Variants in ZDHHC18 observed in about 807,000 individuals in gnomAD.
The protein encoded by ZDHHC18 is zDHHC palmitoyltransferase 18, also known as palmitoyltransferase ZDHHC18.
Under a neutral mutation model 37.5 loss-of-function variants are expected in ZDHHC18, and 23 were observed. That is an observed-to-expected ratio of 0.61 (90% CI 0.44 to 0.87). ZDHHC18 has a LOEUF of 0.87. Ranked by LOEUF, ZDHHC18 falls within the 40% of genes least tolerant of loss-of-function variation. The pLI is 0.00. For missense variants in ZDHHC18, 406 were observed against 525.6 expected (o/e 0.77, Z 2.22); for synonymous variants, 185 against 218.7 (o/e 0.85, Z 1.36).
chr1:26,851,327 C>T lies in ZDHHC18; in HGVS notation c.936+96C>T, dbSNP rs2081703101. ...GGGGCAGCCAAGCACAGTCCTGACTCACGGACTGCTGGGATAATGCCTTTT... is the reference window on the plus strand; with the variant it reads ...GGGGCAGCCAAGCACAGTCCTGACTTACGGACTGCTGGGATAATGCCTTTT... On this transcript the variant is annotated intron_variant, in intron 6 of 7. Transcript: ENST00000374142. 15 of 1,183,232 alleles carry T rather than the reference C, an allele frequency of 1.3e-5. No individual in the cohort carries two copies. The South Asian group carries it at 1.6e-4, about 13-fold the overall frequency. The allele number at this position is 1,183,232 out of a possible 1,614,324, so 73.3% of individuals were successfully genotyped here.
intron 1 of ZDHHC18, among the ~76,000 whole-genome samples, chr1:26,830,863 A>G (rs956658633): frequency 2.6e-5 from 4 of 151,718 alleles, no homozygotes; most frequent in African/African-American, 7.3e-5. Flanking sequence ...GCTCACTGCA[A>G]CCTCTGCCTC....
intron 3 of ZDHHC18, among the ~76,000 whole-genome samples, chr1:26,849,214 C>T (rs142450417): frequency 6.1e-4 from 93 of 152,290 alleles, no homozygotes; most frequent in Admixed American, 7.8e-4. Flanking sequence ...GCAACAGAGG[C>T]GTTTAAGCTG....
chr1:26,850,315 C>T lies in ZDHHC18; in HGVS notation c.661C>T (p.His221Tyr), dbSNP rs747883183. Residue 221 changes from histidine (H) to tyrosine (Y), a missense_variant, in exon 4 of 8, where the codon CAC (histidine) becomes TAC (tyrosine). Physicochemically the swap from His to Tyr is moderately conservative, Grantham distance 83. Transcript: ENST00000374142. This position sits in a 1 kb window ranked among gnomAD's most constrained non-coding sequence, Gnocchi z 6.1. ...CCCTTGTCCAGAACGATTTGACCAT[C>T]ACTGCCCCTGGGTGGGCAACTGTGT... ...CDNCVERFDH[H>Y]CPWVGNCVGR... The T allele has an allele frequency of 1.2e-6, 2 of 1,614,250 alleles. No individual in the cohort carries two copies. The highest frequency in any genetic ancestry group is 1.7e-6 in the Non-Finnish European group (2 of 1,180,030).
chr1:26,852,904 T>G (rs370129878), intron 7 of ZDHHC18, 39 bp downstream of exon 7: 2 of 1,591,826 alleles, frequency 1.3e-6, no homozygotes, highest in Non-Finnish European at 1.7e-6. Context: ...AACAGGGCCA[T>G]GCCTGGCCAG....
At chr1:26,832,719 C>T (rs1364041403) in intron 2 of ZDHHC18, 112 bp downstream of exon 2, 9 of 1,342,902 alleles carry the variant, frequency 6.7e-6, no homozygotes, top group South Asian at 4.2e-5. Context: ...GGGATGCAGT[C>T]GTGAGCAAGG....
At chr1:26,848,326 A>G (rs1443333872) in intron 2 of ZDHHC18, among the ~76,000 whole-genome samples, 2 of 152,026 alleles carry the variant, frequency 1.3e-5, no homozygotes. Context: ...AAAAAAAAAA[A>G]AACCCTCACT....
rs565063501 is a variant in ZDHHC18 at position 26,854,107 on chromosome 1, G to T, written c.*264G>T. 13 of 463,746 alleles carry T rather than the reference G, an allele frequency of 2.8e-5. No individual in the cohort carries two copies. The highest frequency in any genetic ancestry group is 5.1e-5 in the Non-Finnish European group (13 of 253,788). 28.7% of individuals were successfully genotyped at this position (463,746 alleles called of 1,614,324 possible). A position where few individuals can be genotyped will look rare whatever the true frequency, so the allele number is the denominator to read the frequency against. On this transcript the variant is annotated 3_prime_UTR_variant, in exon 8 of 8. Transcript: ENST00000374142. The surrounding 1 kb of genome is among the most constrained non-coding windows in gnomAD (Gnocchi z 4.6). ...CAGAGCCTCTGGAGGCTACCCAGGG[G>T]ACCACACCAAGTCCTTGCCTGTGCC...
chr1:26,828,008 C>A (rs950128344), intron 1 of ZDHHC18, among the ~76,000 whole-genome samples: 1 of 152,294 alleles, frequency 6.6e-6, no homozygotes, highest in South Asian at 2.1e-4. Flanking sequence ...GGAAAGACTT[C>A]GGAGTGCTTT....
chr1:26,837,779 C>T (rs138057492), intron 2 of ZDHHC18, among the ~76,000 whole-genome samples: 3 of 151,818 alleles, frequency 2.0e-5, no homozygotes, highest in African/African-American at 7.3e-5. Flanking sequence ...CGTGCCCAGC[C>T]CCTCTTCTAT....
At chr1:26,831,598 C>T (rs2081589029) in intron 1 of ZDHHC18, among the ~76,000 whole-genome samples, 1 of 152,178 alleles carries the variant, frequency 6.6e-6, no homozygotes, top group South Asian at 2.1e-4. Flanking sequence ...CCACCAGTGT[C>T]CAGAACTTCT....
chr1:26,842,337 T>C (rs1460368944), intron 2 of ZDHHC18, among the ~76,000 whole-genome samples: 1 of 152,212 alleles, frequency 6.6e-6, no homozygotes, highest in East Asian at 1.9e-4. Flanking sequence ...ATTTCACATA[T>C]ATTGATTCAT....
In ZDHHC18 at chr1:26,850,176, G is replaced by T; in HGVS notation, c.647-125G>T. On this transcript the variant is annotated intron_variant, in intron 3 of 7. Transcript: ENST00000374142. This position sits in a 1 kb window ranked among gnomAD's most constrained non-coding sequence, Gnocchi z 6.1. ...CCAGAGGCAGGTGTGTCCAAGGCCT[G>T]GGAGCCAGCTGGTGCTGCGAGAGTG... The T allele has an allele frequency of 2.4e-6, 3 of 1,266,876 alleles. No homozygotes were observed. In the South Asian group the frequency reaches 4.3e-5, roughly 18 times the overall value. The allele number at this position is 1,266,876 out of a possible 1,614,324, so 78.5% of individuals were successfully genotyped here. A position where few individuals can be genotyped will look rare whatever the true frequency, so the allele number is the denominator to read the frequency against.
chr1:26,852,962 A>C, intron 7 of ZDHHC18, 97 bp downstream of exon 7: 2 of 1,066,826 alleles, frequency 1.9e-6, no homozygotes, highest in Non-Finnish European at 2.8e-6. Context: ...TACACCCTAG[A>C]TGCCCTCCGT....
chr1:26,836,016 C>T (rs2081609818), intron 2 of ZDHHC18, among the ~76,000 whole-genome samples: 1 of 152,178 alleles, frequency 6.6e-6, no homozygotes, highest in African/African-American at 2.4e-5. Flanking sequence ...CACTCAATCC[C>T]AGGAAAATCA....
chr1:26,849,947 A>T (rs1295357276), intron 3 of ZDHHC18, among the ~76,000 whole-genome samples: 4 of 152,180 alleles, frequency 2.6e-5, no homozygotes, highest in Non-Finnish European at 4.4e-5. Context: ...AGTTATTATA[A>T]ATAAGCATAA....
rs2081740055 is a variant in ZDHHC18 at position 26,857,400 on chromosome 1, G to A, written c.*3557G>A. 1 of 152,274 alleles carries A rather than the reference G, an allele frequency of 6.6e-6. No individual in the cohort carries two copies. The highest frequency in any genetic ancestry group is 6.5e-5 in the Admixed American group (1 of 15,274). 9.4% of individuals were successfully genotyped at this position (152,274 alleles called of 1,614,324 possible). A position where few individuals can be genotyped will look rare whatever the true frequency, so the allele number is the denominator to read the frequency against. On this transcript the variant is annotated 3_prime_UTR_variant, in exon 8 of 8. Coordinates refer to ENST00000374142, the MANE Select transcript of ZDHHC18 (RefSeq NM_032283.3). ...CCCAACCCTCCACCAGAGTAGGTAG[G>A]ATGTAGGGAGGGTGCGTGCCTCCTT... is the stretch of plus-strand genomic sequence containing the variant.
intron 3 of ZDHHC18, among the ~76,000 whole-genome samples, chr1:26,849,404 G>C (rs1004330052): frequency 2.6e-5 from 4 of 152,202 alleles, no homozygotes; most frequent in Non-Finnish European, 5.9e-5. Flanking sequence ...CACAGTGACT[G>C]TGCATAGTTC....
At chr1:26,835,664 G>A (rs1207451306) in intron 2 of ZDHHC18, among the ~76,000 whole-genome samples, 3 of 152,218 alleles carry the variant, frequency 2.0e-5, no homozygotes, top group Non-Finnish European at 4.4e-5. Context: ...TTGCGCCATT[G>A]CACTCCAGCC....
chr1:26,827,397 C>A (rs1018504150), intron 1 of ZDHHC18, among the ~76,000 whole-genome samples: 1 of 148,044 alleles, frequency 6.8e-6, no homozygotes, highest in Non-Finnish European at 1.5e-5. Flanking sequence ...CCCCTCCATT[C>A]TCCCTGACCC....
Sources: allele counts gnomAD v4.1 joint callset (sites outside exome capture counted in the v4.1 genomes callset), GRCh38; gene constraint gnomAD v4.1.1; non-coding constraint Gnocchi (gnomAD v3.1); transcripts MANE v1.5; gene names NCBI Gene and HGNC (gene_info 2026-07-23, HGNC 2026-07-21).